The following HEATR3 variants were observed in gnomAD, a reference collection of about 807,000 sequenced individuals.
The protein encoded by HEATR3 is HEAT repeat containing 3, also known as HEAT repeat-containing protein 3.
A neutral mutation model predicts 72.8 loss-of-function variants in HEATR3; 56 were observed. The observed-to-expected ratio is 0.77, with a 90% CI of 0.62 to 0.96. HEATR3 has a LOEUF of 0.96. Ranked by LOEUF, HEATR3 falls within the 40% of genes least tolerant of loss-of-function variation. HEATR3 has a pLI of 0.00. For synonymous variants in HEATR3, 331 were observed against 318.1 expected, an observed-to-expected ratio of 1.04 and a Z score of -0.43; for missense variants, 747 against 831.4, an observed-to-expected ratio of 0.90 and a Z score of 1.25.
chr16:50,100,113 A>T, intron 12 of HEATR3, 117 bp from the exon 13 acceptor site: 1 of 925,306 alleles, frequency 1.1e-6, no homozygotes, highest in East Asian at 2.7e-5. Flanking sequence ...CCAGGAGTTT[A>T]TGTCACTCTT....
intron 6 of HEATR3, among the ~76,000 whole-genome samples, chr16:50,077,877 A>ATTTTTTTTTTTT: frequency 8.6e-5 from 9 of 104,340 alleles, no homozygotes; most frequent in Admixed American, 1.2e-4. Context: ...AATGGATGTA[A>ATTTTTTTTTTTT]TTTTTTTTTT....
chr16:50,094,730 A>G lies in HEATR3; in HGVS notation c.1536A>G (p.Leu512=), dbSNP rs1017628423. 6.3e-7 allele frequency: 1 copy of G among 1,579,294 alleles called. No homozygotes were observed. The highest frequency in any genetic ancestry group is 8.6e-7 in the Non-Finnish European group (1 of 1,165,472). Residue 512 remains leucine (L), a synonymous_variant, in exon 12 of 15, where the codon CTA becomes CTG. Coordinates refer to ENST00000299192, the MANE Select transcript of HEATR3 (RefSeq NM_182922.4). ...ATTTTGCTAAACATGTTGACTTTCT[A>G]GAAGCCATAAGTAGTGCTTTGAGGG... is the stretch of plus-strand genomic sequence containing the variant. ...QPDFAKHVDF[L]EAISSALRAL... is the part of the protein sequence containing the mutation.
At chr16:50,101,855 CA>C (rs1039575382) in intron 13 of HEATR3, among the ~76,000 whole-genome samples, 12 of 152,134 alleles carry the variant, frequency 7.9e-5, no homozygotes, top group Admixed American at 2.0e-4. Flanking sequence ...TCTGAACTTA[CA>C]GGTGTGAGCC....
chr16:50,068,691 A>G (rs924619908), intron 2 of HEATR3, 89 bp from the exon 3 acceptor site: 3 of 965,614 alleles, frequency 3.1e-6, no homozygotes, highest in Non-Finnish European at 4.6e-6. Flanking sequence ...GGAAACCTTA[A>G]ATATGGCTAA....
chr16:50,084,496 T>A (rs1207651358), intron 9 of HEATR3, 73 bp from the exon 10 acceptor site: 10 of 1,214,092 alleles, frequency 8.2e-6, no homozygotes, highest in Non-Finnish European at 8.4e-6. Flanking sequence ...GAGTAATATG[T>A]TGGAATTATG....
intron 7 of HEATR3, among the ~76,000 whole-genome samples, chr16:50,081,131 G>T (rs2036857489): frequency 6.6e-6 from 1 of 152,196 alleles, no homozygotes; most frequent in African/African-American, 2.4e-5. Flanking sequence ...TTTTCTTATA[G>T]TAAAAACTGG....
At position 50,068,887 on chromosome 16, in the gene HEATR3, T is replaced by A; in HGVS notation, c.399+20T>A. The A allele has an allele frequency of 6.4e-7, 1 of 1,574,552 alleles. No individual in the cohort carries two copies. The highest frequency in any genetic ancestry group is 8.7e-7 in the Non-Finnish European group (1 of 1,149,034). ...AAAGAGGTATGCAGTTTTTACAGTA[T>A]CTTGATGGTAGCTTTTGGGATGCAA... On this transcript the variant is annotated intron_variant, in intron 3 of 14. Transcript: ENST00000299192.
chr16:50,070,307 A>G lies in HEATR3; in HGVS notation c.512+17A>G, dbSNP rs1448971831. Reference sequence around the variant, plus strand: ...GAATATATGGTAAGATGCCTACCAAACACAGTCTCCTGCTATAGCAGTACC... The same window carrying G: ...GAATATATGGTAAGATGCCTACCAAGCACAGTCTCCTGCTATAGCAGTACC... On this transcript the variant is annotated intron_variant, in intron 4 of 14. Coordinates refer to ENST00000299192, the MANE Select transcript of HEATR3 (RefSeq NM_182922.4). 1 of 1,287,252 alleles carries G rather than the reference A, an allele frequency of 7.8e-7. No individual in the cohort carries two copies. Among genetic ancestry groups the G allele is most frequent in the African/African-American group, 1.5e-5 (1 of 68,648 alleles). The allele number at this position is 1,287,252 out of a possible 1,614,324, so 79.7% of individuals were successfully genotyped here.
At chr16:50,102,508 C>A (rs1424058623) in intron 14 of HEATR3, 73 bp downstream of exon 14, 3 of 1,344,202 alleles carry the variant, frequency 2.2e-6, no homozygotes, top group Non-Finnish European at 3.1e-6. Flanking sequence ...GTAGTTACCG[C>A]TGTGCAACTC....
intron 5 of HEATR3, chr16:50,074,295 G>A (rs867284280): frequency 5.3e-5 from 8 of 151,970 alleles, no homozygotes; most frequent in Non-Finnish European, 7.4e-5. Context: ...AAAACCTAAG[G>A]CTGTTTGCTA....
chr16:50,096,817 T>C (rs1168754633), intron 12 of HEATR3, among the ~76,000 whole-genome samples: 2 of 152,210 alleles, frequency 1.3e-5, no homozygotes, highest in Non-Finnish European at 2.9e-5. Flanking sequence ...GTAACTAAAG[T>C]GTACAATTCA....
chr16:50,091,890 A>G (rs2150618438), intron 11 of HEATR3, among the ~76,000 whole-genome samples: 1 of 152,034 alleles, frequency 6.6e-6, no homozygotes, highest in East Asian at 1.9e-4. Context: ...AAAAAAAAAA[A>G]AATATCGTTC....
At chr16:50,084,505 T>C (rs1250875075) in intron 9 of HEATR3, 64 bp from the exon 10 acceptor site, 2 of 1,241,148 alleles carry the variant, frequency 1.6e-6, no homozygotes, top group Non-Finnish European at 2.3e-6. Context: ...GTTGGAATTA[T>C]GTAAGGGAAT....
At chr16:50,079,206 CTCTTG>C (rs1597149119) in intron 7 of HEATR3, among the ~76,000 whole-genome samples, 188 bp downstream of exon 7, 1 of 152,134 alleles carries the variant, frequency 6.6e-6, no homozygotes. Context: ...GGAAAAAAAT[CTCTTG>C]TCTAAAGTGA....
At chr16:50,076,821 T>TCCTG (rs2036740763) in intron 6 of HEATR3, among the ~76,000 whole-genome samples, 1 of 150,344 alleles carries the variant, frequency 6.7e-6, no homozygotes, top group South Asian at 2.1e-4. Context: ...TGCCTCAGTC[T>TCCTG]CCTGAATAGT....
chr16:50,080,350 T>C (rs1053052807), intron 7 of HEATR3: 2 of 152,032 alleles, frequency 1.3e-5, no homozygotes, highest in African/African-American at 4.8e-5. Flanking sequence ...AGATTTTTTT[T>C]TTTTTTTTTG....
At chr16:50,101,185 C>T (rs752922418) in intron 13 of HEATR3, among the ~76,000 whole-genome samples, 1 of 148,026 alleles carries the variant, frequency 6.8e-6, no homozygotes, top group African/African-American at 2.5e-5. Context: ...AGTGTGATCT[C>T]GGCTCACTGC....
At chr16:50,079,129 G>A (rs746156627) in intron 7 of HEATR3, 111 bp downstream of exon 7, 162 of 1,079,344 alleles carry the variant, frequency 1.5e-4, no homozygotes, top group South Asian at 5.2e-4. Flanking sequence ...TATAAAGTGC[G>A]TTTTGGTAAA....
intron 14 of HEATR3, among the ~76,000 whole-genome samples, chr16:50,103,870 T>A (rs1050008103): frequency 4.6e-5 from 7 of 151,732 alleles, no homozygotes; most frequent in African/African-American, 1.5e-4. Context: ...TACAAAAAAA[T>A]TTTTTTAAGT....
Sources: gnomAD v4.1 joint callset for allele counts (sites outside exome capture counted in the v4.1 genomes callset) on GRCh38, gnomAD v4.1.1 for gene constraint, MANE v1.5 for transcripts, NCBI Gene and HGNC (gene_info 2026-07-23, HGNC 2026-07-21) for gene names.